Variants in ZNF362 observed in about 807,000 individuals in gnomAD.
The protein encoded by ZNF362 is rotund homolog.
A neutral mutation model predicts 42.9 loss-of-function variants in ZNF362; 11 were observed. That is an observed-to-expected ratio of 0.26 (90% CI 0.16 to 0.42). ZNF362 has a LOEUF of 0.42. ZNF362 is among the 20% of genes least tolerant of loss of function. The pLI, the probability that ZNF362 is intolerant of heterozygous loss-of-function variation, is 1.00. For synonymous variants in ZNF362, 255 were observed against 257.3 expected, an observed-to-expected ratio of 0.99 and a Z score of 0.09; for missense variants, 362 against 576.2, an observed-to-expected ratio of 0.63 and a Z score of 3.81.
the ZNF362 span, among the ~76,000 whole-genome samples, chr1:33,240,001 T>C: frequency 3.3e-5 from 5 of 152,238 alleles, no homozygotes; most frequent in Non-Finnish European, 7.3e-5. Context: ...GGAATGCTTT[T>C]TCTTACAGTA....
chr1:33,187,630 A>G, the ZNF362 span, among the ~76,000 whole-genome samples: 8 of 152,182 alleles, frequency 5.3e-5, no homozygotes, highest in African/African-American at 1.9e-4. Flanking sequence ...CTGCCTGTTC[A>G]GAATCTCCTT....
At chr1:33,184,226 T>C in the ZNF362 span, among the ~76,000 whole-genome samples, 5 of 152,204 alleles carry the variant, frequency 3.3e-5, no homozygotes, top group Admixed American at 6.5e-5. Flanking sequence ...TAGGGCTTGC[T>C]AAGCATTCTC....
At chr1:33,151,559 C>T in the ZNF362 span, among the ~76,000 whole-genome samples, 2 of 152,142 alleles carry the variant, frequency 1.3e-5, no homozygotes, top group South Asian at 2.1e-4. Context: ...TCAGTTCCTC[C>T]ATCTGTCCCT....
the ZNF362 span, chr1:33,145,971 G>A: frequency 4.3e-6 from 2 of 469,582 alleles, no homozygotes; most frequent in Admixed American, 2.4e-5. Flanking sequence ...GAGTGAAGTG[G>A]GAGAGGGGCA....
At chr1:33,188,805 T>A in the ZNF362 span, among the ~76,000 whole-genome samples, 1 of 152,288 alleles carries the variant, frequency 6.6e-6, no homozygotes, top group East Asian at 1.9e-4. Context: ...ATAAGCTCAT[T>A]TCCACTGGAT....
chr1:33,147,161 T>G, the ZNF362 span: 2 of 1,609,086 alleles, frequency 1.2e-6, no homozygotes, highest in Non-Finnish European at 1.7e-6. This position sits in a 1 kb window ranked among gnomAD's most constrained non-coding sequence, Gnocchi z 8.1. Flanking sequence ...GAGGTTGTGG[T>G]CTCCTTCTGC....
chr1:33,280,398 T>G lies in ZNF362; in HGVS notation c.624T>G (p.Leu208=). 1 of 1,613,352 alleles carries G rather than the reference T, an allele frequency of 6.2e-7. No individual in the cohort carries two copies. Among genetic ancestry groups the G allele is most frequent in the Non-Finnish European group, 8.5e-7 (1 of 1,179,730 alleles). ...AGAACCCGGGGGGTCCGCCTGTCCT[T>G]GTAGTCCCCTATCCCATCCTGGCCT... is the stretch of plus-strand genomic sequence containing the variant. ...KAENPGGPPV[L]VVPYPILASG... is the part of the protein sequence containing the mutation. Residue 208 remains leucine, a synonymous_variant, in exon 5 of 9, where the codon CTT becomes CTG. Transcript: ENST00000539719. This position sits in a 1 kb window ranked among gnomAD's most constrained non-coding sequence, Gnocchi z 5.6.
the ZNF362 span, among the ~76,000 whole-genome samples, chr1:33,216,109 TCTC>T: frequency 4.3e-5 from 6 of 138,222 alleles, no homozygotes; most frequent in Admixed American, 1.6e-4. Context: ...CCTATATTCT[TCTC>T]CTCTGAAAAA....
chr1:33,165,282 C>T, the ZNF362 span: 3 of 528,330 alleles, frequency 5.7e-6, no homozygotes, highest in East Asian at 6.6e-5. This position sits in a 1 kb window ranked among gnomAD's most constrained non-coding sequence, Gnocchi z 4.0. Context: ...GGGTGGGTGC[C>T]GCCCCATTGA....
chr1:33,236,397 C>T, the ZNF362 span, among the ~76,000 whole-genome samples: 1 of 150,062 alleles, frequency 6.7e-6, no homozygotes, highest in Non-Finnish European at 1.5e-5. Flanking sequence ...AAAAAATTAG[C>T]CAGGTGTGGT....
intron 4 of ZNF362, among the ~76,000 whole-genome samples, chr1:33,277,621 C>G (rs890976197): frequency 6.6e-6 from 1 of 151,928 alleles, no homozygotes; most frequent in African/African-American, 2.4e-5. Context: ...CTGGGCAATG[C>G]CGTGGTAGTG....
chr1:33,213,632 G>A, the ZNF362 span, among the ~76,000 whole-genome samples: 1 of 152,102 alleles, frequency 6.6e-6, no homozygotes, highest in Non-Finnish European at 1.5e-5. Context: ...GGATCACGAT[G>A]TCAAGAGATC....
chr1:33,174,960 T>TAC, the ZNF362 span, among the ~76,000 whole-genome samples: 426 of 140,264 alleles, frequency 3.0e-3, 5 homozygotes, highest in African/African-American at 0.012. Context: ...TATATATATA[T>TAC]ATATATATAC....
At chr1:33,132,538 T>C in the ZNF362 span, among the ~76,000 whole-genome samples, 3 of 152,224 alleles carry the variant, frequency 2.0e-5, no homozygotes, top group African/African-American at 7.2e-5. Context: ...GTCATCCTTC[T>C]GGTCTCAGTT....
At chr1:33,267,590 C>T (rs562342235) in intron 1 of ZNF362, among the ~76,000 whole-genome samples, 7 of 152,112 alleles carry the variant, frequency 4.6e-5, no homozygotes, top group Non-Finnish European at 8.8e-5. Context: ...TGTCTGGATT[C>T]AAATCCTACA....
At chr1:33,154,878 G>A in the ZNF362 span, among the ~76,000 whole-genome samples, 1 of 151,744 alleles carries the variant, frequency 6.6e-6, no homozygotes, top group Non-Finnish European at 1.5e-5. Context: ...CAGAACATGA[G>A]GTCAGGAGAT....
chr1:33,281,440 CCT>C lies in ZNF362; in HGVS notation c.684-146_684-145del. The C allele has an allele frequency of 1.4e-6, 1 of 728,138 alleles. No individual in the cohort carries two copies. The highest frequency in any genetic ancestry group is 2.3e-6 in the Non-Finnish European group (1 of 432,600). The allele number at this position is 728,138 out of a possible 1,614,324, so 45.1% of individuals were successfully genotyped here. On this transcript the variant is annotated intron_variant, in intron 5 of 8. Coordinates refer to ENST00000539719, the MANE Select transcript of ZNF362 (RefSeq NM_152493.3). This position sits in a 1 kb window ranked among gnomAD's most constrained non-coding sequence, Gnocchi z 4.8. The stretch of plus-strand genomic sequence containing the variant: ...GGGTGCCCAGGCTGGGAGACTGTCC[CCT>C]GTCTTTCCCAGGTGGTCCTGTGCTT...
At chr1:33,178,259 C>G in the ZNF362 span, among the ~76,000 whole-genome samples, 3 of 152,218 alleles carry the variant, frequency 2.0e-5, no homozygotes, top group African/African-American at 7.2e-5. Context: ...CCATCAGCTG[C>G]TGGGAGAGAA....
At chr1:33,166,254 A>G in the ZNF362 span, 2 of 152,238 alleles carry the variant, frequency 1.3e-5, no homozygotes, top group Non-Finnish European at 2.9e-5. Flanking sequence ...ATTCCATTAT[A>G]TATTACAATG....
Sources: allele counts gnomAD v4.1 joint callset (sites outside exome capture counted in the v4.1 genomes callset), GRCh38; gene constraint gnomAD v4.1.1; non-coding constraint Gnocchi (gnomAD v3.1); transcripts MANE v1.5; gene names NCBI Gene and HGNC (gene_info 2026-07-23, HGNC 2026-07-21).